Variants in KIF13B observed in about 807,000 individuals in gnomAD.
The protein encoded by KIF13B is kinesin-like protein KIF13B.
KIF13B carries 127 observed loss-of-function variants against 222.0 expected under a neutral mutation model. That is an observed-to-expected ratio of 0.57 (90% CI 0.50 to 0.66). The LOEUF is 0.66. KIF13B is among the 30% of genes least tolerant of loss of function. The pLI is 0.00. For missense variants in KIF13B, 2,173 were observed against 2,379.0 expected (o/e 0.91, Z 1.80); for synonymous variants, 976 against 919.0 (o/e 1.06, Z -1.12).
At chr8:29,238,642 C>G (rs1815620577) in intron 2 of KIF13B, among the ~76,000 whole-genome samples, 1 of 152,148 alleles carries the variant, frequency 6.6e-6, no homozygotes, top group African/African-American at 2.4e-5. Context: ...GAGAGGGCAG[C>G]ATCATATTTT....
intron 1 of KIF13B, among the ~76,000 whole-genome samples, chr8:29,247,274 A>G (rs1416276625): frequency 6.6e-6 from 1 of 152,048 alleles, no homozygotes; most frequent in Non-Finnish European, 1.5e-5. Context: ...TATAGTTCCA[A>G]CTACTGGGGA....
At chr8:29,186,512 G>A (rs759863023) in intron 5 of KIF13B, 40 bp from the exon 6 acceptor site, 1 of 1,529,012 alleles carries the variant, frequency 6.5e-7, no homozygotes, top group South Asian at 1.2e-5. Context: ...GTCTCTTTGA[G>A]ACGTTAAATA....
intron 37 of KIF13B, among the ~76,000 whole-genome samples, chr8:29,085,705 CTTTTTTTTTTTT>C (rs71222589): frequency 3.1e-4 from 15 of 48,768 alleles, no homozygotes; most frequent in East Asian, 1.8e-3. Flanking sequence ...AAATACTCTT[CTTTTTTTTTTTT>C]TTTTTTTTTT....
At chr8:29,089,134 G>T (rs1808176236) in intron 37 of KIF13B, among the ~76,000 whole-genome samples, 2 of 152,112 alleles carry the variant, frequency 1.3e-5, no homozygotes, top group South Asian at 4.1e-4. Context: ...TAGCACTTGG[G>T]ACCCACAATC....
chr8:29,142,936 T>C (rs1232632032), intron 18 of KIF13B, among the ~76,000 whole-genome samples: 2 of 152,126 alleles, frequency 1.3e-5, no homozygotes, highest in Non-Finnish European at 2.9e-5. Context: ...CACTGCAGCC[T>C]CGAACTCCTG....
chr8:29,176,724 G>T (rs768736477), intron 9 of KIF13B, among the ~76,000 whole-genome samples: 51 of 151,954 alleles, frequency 3.4e-4, no homozygotes, highest in Non-Finnish European at 5.1e-4. Flanking sequence ...CGTAGCACAG[G>T]ATCACCCCTC....
At chr8:29,260,682 T>C (rs935768866) in intron 1 of KIF13B, among the ~76,000 whole-genome samples, 2 of 151,828 alleles carry the variant, frequency 1.3e-5, no homozygotes, top group Non-Finnish European at 2.9e-5. Context: ...AGTGGCACGA[T>C]CTTGGCTCAC....
At chr8:29,122,718 T>C in intron 28 of KIF13B, 72 bp from the exon 29 acceptor site, 2 of 1,210,102 alleles carry the variant, frequency 1.7e-6, no homozygotes, top group Non-Finnish European at 2.4e-6. Flanking sequence ...GAACACAGCC[T>C]TAATGGCATT....
chr8:29,077,099 G>A (rs539038096), intron 37 of KIF13B, among the ~76,000 whole-genome samples: 13 of 152,324 alleles, frequency 8.5e-5, no homozygotes, highest in Admixed American at 5.2e-4. Context: ...TAGGACCAGG[G>A]TGCATTAAAG....
At chr8:29,248,886 G>A (rs992676611) in intron 1 of KIF13B, among the ~76,000 whole-genome samples, 1 of 152,194 alleles carries the variant, frequency 6.6e-6, no homozygotes, top group African/African-American at 2.4e-5. Context: ...AGGAGTGACT[G>A]CTAACAGGTA....
intron 14 of KIF13B, among the ~76,000 whole-genome samples, chr8:29,152,544 T>C (rs1354164356): frequency 1.3e-5 from 2 of 152,292 alleles, no homozygotes; most frequent in African/African-American, 4.8e-5. Flanking sequence ...AGGCAAGACC[T>C]TCCTGCAGCA....
At chr8:29,261,697 T>C (rs1158660751) in intron 1 of KIF13B, among the ~76,000 whole-genome samples, 4 of 152,168 alleles carry the variant, frequency 2.6e-5, no homozygotes, top group Non-Finnish European at 5.9e-5. Context: ...CAGGACTCAA[T>C]CTTGCACTAG....
Position 29,256,471 on chromosome 8 carries a change from C to T in KIF13B, c.55+6509G>A, listed in dbSNP as rs569937174. On this transcript the variant is annotated intron_variant, in intron 1 of 39. Coordinates refer to ENST00000524189, the MANE Select transcript of KIF13B (RefSeq NM_015254.4). ...CCCCATTTCTTTAATTCATGATTGG[C>T]TGCCATCAGTGCACTAGGTACATAT... Among the ~76,000 whole-genome samples, 5 of 152,296 alleles carry T rather than the reference C, an allele frequency of 3.3e-5. No individual in the cohort carries two copies. The East Asian group carries it at 7.7e-4, about 24-fold the overall frequency.
chr8:29,150,222 A>AC, intron 15 of KIF13B, 75 bp downstream of exon 15: 3 of 785,252 alleles, frequency 3.8e-6, no homozygotes, highest in Middle Eastern at 2.3e-4. Flanking sequence ...AGAAAGGTTT[A>AC]CTTTTTAACA....
chr8:29,098,373 C>T (rs1808637009), intron 36 of KIF13B, among the ~76,000 whole-genome samples: 2 of 151,664 alleles, frequency 1.3e-5, no homozygotes, highest in Admixed American at 6.6e-5. Flanking sequence ...GAGGCTGAGG[C>T]AGACAGATCA....
At chr8:29,123,804 G>A (rs1210058986) in intron 27 of KIF13B, among the ~76,000 whole-genome samples, 4 of 152,114 alleles carry the variant, frequency 2.6e-5, no homozygotes, top group African/African-American at 9.7e-5. Context: ...TTTGTGCACT[G>A]TATTTGCTCT....
intron 30 of KIF13B, among the ~76,000 whole-genome samples, chr8:29,117,800 T>A (rs1809672611): frequency 6.6e-6 from 1 of 152,210 alleles, no homozygotes; most frequent in South Asian, 2.1e-4. Flanking sequence ...GAGATACCCA[T>A]CACTCAGATT....
chr8:29,208,467 C>T (rs1209381112), intron 2 of KIF13B, among the ~76,000 whole-genome samples: 1 of 152,152 alleles, frequency 6.6e-6, no homozygotes, highest in Non-Finnish European at 1.5e-5. Flanking sequence ...TGAATCCATG[C>T]TACTGTTTTT....
At chr8:29,144,039 A>C (rs1449439562) in intron 18 of KIF13B, among the ~76,000 whole-genome samples, 2 of 150,882 alleles carry the variant, frequency 1.3e-5, no homozygotes, top group Non-Finnish European at 1.5e-5. Context: ...ACAAAGTTAA[A>C]AAAAAAAAAG....
Sources: gnomAD v4.1 joint callset for allele counts (sites outside exome capture counted in the v4.1 genomes callset) on GRCh38, gnomAD v4.1.1 for gene constraint, MANE v1.5 for transcripts, NCBI Gene and HGNC (gene_info 2026-07-23, HGNC 2026-07-21) for gene names.